The following MYT1L variants were observed in gnomAD, a reference collection of about 807,000 sequenced individuals.
The protein encoded by MYT1L is myelin transcription factor 1-like protein.
Under a neutral mutation model 126.7 loss-of-function variants are expected in MYT1L, and 12 were observed. The ratio of observed to expected loss-of-function variants is 0.09; its 90% CI spans 0.06 to 0.15. The LOEUF (loss-of-function observed/expected upper bound fraction) is 0.15, where lower values mean the gene tolerates loss of function less well. Ranked by LOEUF, MYT1L falls within the 10% of genes least tolerant of loss-of-function variation. The pLI, the probability that MYT1L is intolerant of heterozygous loss-of-function variation, is 1.00. For missense variants in MYT1L, 979 were observed against 1,585.2 expected (o/e 0.62, Z 6.49); for synonymous variants, 541 against 604.2 (o/e 0.90, Z 1.53).
chr2:1,818,548 G>C, intron 21 of MYT1L, among the ~76,000 whole-genome samples: 1 of 152,168 alleles, frequency 6.6e-6, no homozygotes, highest in African/African-American at 2.4e-5. Context: ...TCTTGTCACT[G>C]ATTGACTCAT....
intron 18 of MYT1L, among the ~76,000 whole-genome samples, chr2:1,879,194 T>C (rs1288968194): frequency 3.3e-5 from 5 of 152,152 alleles, no homozygotes; most frequent in African/African-American, 1.2e-4. Flanking sequence ...AACGAGTCTC[T>C]CCTGAAATGG....
At chr2:1,821,934 G>A (rs79633018) in intron 21 of MYT1L, among the ~76,000 whole-genome samples, 2,056 of 152,320 alleles carry the variant, frequency 0.013, 48 homozygotes, top group African/African-American at 0.046. Context: ...CTTCTGCCGG[G>A]GAGAAGGAGG....
At chr2:2,261,289 C>T (rs909279849) in intron 2 of MYT1L, among the ~76,000 whole-genome samples, 3 of 152,194 alleles carry the variant, frequency 2.0e-5, no homozygotes, top group African/African-American at 7.2e-5. Context: ...TGCACTTATA[C>T]ACTATGTCTT....
At chr2:2,220,645 C>T (rs1432385886) in intron 2 of MYT1L, among the ~76,000 whole-genome samples, 1 of 152,090 alleles carries the variant, frequency 6.6e-6, no homozygotes, top group Non-Finnish European at 1.5e-5. Context: ...GACACCTTTG[C>T]AGGGCCATTT....
chr2:2,112,476 C>T (rs955961172), intron 3 of MYT1L, among the ~76,000 whole-genome samples: 4 of 152,336 alleles, frequency 2.6e-5, no homozygotes, highest in Non-Finnish European at 4.4e-5. Context: ...GTACTGACTT[C>T]CTTCTGCAAA....
At chr2:2,239,030 A>G (rs2094385957) in intron 2 of MYT1L, among the ~76,000 whole-genome samples, 1 of 152,266 alleles carries the variant, frequency 6.6e-6, no homozygotes, top group African/African-American at 2.4e-5. Context: ...TACTGGCCAC[A>G]CTGAGCCTGG....
intron 2 of MYT1L, among the ~76,000 whole-genome samples, chr2:2,235,311 G>A (rs2094262882): frequency 6.7e-6 from 1 of 149,060 alleles, no homozygotes; most frequent in South Asian, 2.2e-4. Flanking sequence ...GTGTGTAGAG[G>A]TGTGTGTGTA....
At chr2:2,000,418 G>GT (rs2062250992) in intron 4 of MYT1L, among the ~76,000 whole-genome samples, 1 of 152,202 alleles carries the variant, frequency 6.6e-6, no homozygotes, top group African/African-American at 2.4e-5. Flanking sequence ...GACCTAATTT[G>GT]TTTCTGTTTA....
rs1573485810 is a variant in MYT1L, at chr2:1,910,471, C to G, written c.1710-124G>C. 40 of 795,888 alleles carry G rather than the reference C, an allele frequency of 5.0e-5. No individual in the cohort carries two copies. In the East Asian group the frequency reaches 1.0e-3, roughly 21 times the overall value. 49.3% of individuals were successfully genotyped at this position (795,888 alleles called of 1,614,324 possible). ...GTGAGGGAGGGGTAGTTTCCCAAAC[C>G]TGGCACAGGCAGTCCTGATGGGTGG... On this transcript the variant is annotated intron_variant, in intron 12 of 24. Coordinates refer to ENST00000647738, the MANE Select transcript of MYT1L (RefSeq NM_001303052.2). This position sits in a 1 kb window ranked among gnomAD's most constrained non-coding sequence, Gnocchi z 4.8.
intron 3 of MYT1L, among the ~76,000 whole-genome samples, chr2:2,078,109 T>C (rs1250963207): frequency 6.6e-6 from 1 of 152,164 alleles, no homozygotes; most frequent in African/African-American, 2.4e-5. Context: ...ACAAAGTTAG[T>C]ATTAGTCTGA....
In MYT1L at chr2:1,892,200, C is replaced by G. The variant is rs1477424656; in HGVS notation, c.2120G>C (p.Gly707Ala). ...PSSSSNLSCG[G>A]GSSASSTCSK... ...GCACGTGCTGCTGGCGCTGCTGCCC[C>G]CGCCGCAGCTCAGGTTGCTGCTGCT... The change falls in exon 15 of 25, where the codon GGG becomes GCG. Residue 707 changes from glycine to alanine, a missense_variant. Gly to Ala is a moderately conservative substitution (Grantham distance 60). Transcript: ENST00000647738. 1 of 1,550,046 alleles carries G rather than the reference C, an allele frequency of 6.5e-7. No individual in the cohort carries two copies. The highest frequency in any genetic ancestry group is 2.0e-5 in the Admixed American group (1 of 50,992).
chr2:2,135,810 G>C (rs563637864), intron 3 of MYT1L, among the ~76,000 whole-genome samples: 140 of 152,314 alleles, frequency 9.2e-4, no homozygotes, highest in Non-Finnish European at 1.6e-3. Flanking sequence ...GGAATGCGCT[G>C]TCTTTCAGTC....
intron 3 of MYT1L, among the ~76,000 whole-genome samples, chr2:2,172,653 C>T (rs944329966): frequency 5.3e-5 from 8 of 151,658 alleles, no homozygotes; most frequent in East Asian, 2.0e-4. Context: ...CCAGGAGCCC[C>T]GTGCTGGGCA....
intron 4 of MYT1L, among the ~76,000 whole-genome samples, chr2:2,016,296 A>T (rs1574535652): frequency 6.6e-6 from 1 of 152,352 alleles, no homozygotes; most frequent in East Asian, 1.9e-4. Context: ...CAGAGCAAGA[A>T]GATGGAGAGG....
chr2:1,817,865 G>GT (rs2037923707), intron 21 of MYT1L, among the ~76,000 whole-genome samples: 1 of 152,254 alleles, frequency 6.6e-6, no homozygotes, highest in South Asian at 2.1e-4. Context: ...GCCTGTTACA[G>GT]AAACGCTTCT....
At chr2:1,824,006 C>T (rs1031367800) in intron 21 of MYT1L, among the ~76,000 whole-genome samples, 1 of 151,204 alleles carries the variant, frequency 6.6e-6, no homozygotes, top group Admixed American at 6.6e-5. Context: ...CCTCCCCCCC[C>T]AGCGGGGCCG....
In MYT1L at chr2:2,319,981, T is replaced by C. The variant is rs557694925; in HGVS notation, c.-521+10986A>G. Among the ~76,000 whole-genome samples, 60 of 152,308 alleles carry C rather than the reference T, an allele frequency of 3.9e-4. 1 individual carries two copies. In the South Asian group the frequency reaches 0.011, roughly 29 times the overall value. ...CTTTTCTCTTCAGCATTGACTTTGA[T>C]ATTTTCTTTCTAGAAGAGGACAGTG... On this transcript the variant is annotated intron_variant, in intron 1 of 24. Coordinates refer to ENST00000647738, the MANE Select transcript of MYT1L (RefSeq NM_001303052.2).
intron 2 of MYT1L, among the ~76,000 whole-genome samples, chr2:2,275,906 A>G (rs556355891): frequency 1.2e-3 from 181 of 152,252 alleles, no homozygotes; most frequent in Non-Finnish European, 1.3e-3. Context: ...TGCCTGGGAA[A>G]GGCCTATGTA....
chr2:2,184,564 T>C (rs767549151), intron 2 of MYT1L, among the ~76,000 whole-genome samples: 1 of 152,162 alleles, frequency 6.6e-6, no homozygotes, highest in Non-Finnish European at 1.5e-5. Context: ...AGTAAAAATC[T>C]CCAGGCAAAA....
Sources: allele counts gnomAD v4.1 joint callset (sites outside exome capture counted in the v4.1 genomes callset), GRCh38; gene constraint gnomAD v4.1.1; non-coding constraint Gnocchi (gnomAD v3.1); transcripts MANE v1.5; gene names NCBI Gene and HGNC (gene_info 2026-07-23, HGNC 2026-07-21).